PDE4D: variants seen among roughly 807,000 people sequenced by gnomAD.
The protein encoded by PDE4D is phosphodiesterase 4D.
A neutral mutation model predicts 87.4 loss-of-function variants in PDE4D; 24 were observed. The observed-to-expected ratio is 0.27, with a 90% CI of 0.20 to 0.39. The LOEUF is 0.39. Among genes scored for constraint, PDE4D ranks in the 10% least tolerant of loss-of-function variants. The probability of loss-of-function intolerance (pLI) is 1.00; values close to 1 mark genes in which losing one functional copy is unlikely to be tolerated. For synonymous variants in PDE4D, 384 were observed against 383.2 expected (o/e 1.00, Z -0.02); for missense variants, 714 against 1,041.0 (o/e 0.69, Z 4.32).
At chr5:59,437,413 A>C (rs1290650179) in intron 1 of PDE4D, among the ~76,000 whole-genome samples, 1 of 152,214 alleles carries the variant, frequency 6.6e-6, no homozygotes, top group Non-Finnish European at 1.5e-5. Flanking sequence ...AAGAATTTCC[A>C]ACAGTAGGAA....
At chr5:59,298,860 A>G (rs1181344669) in intron 1 of PDE4D, among the ~76,000 whole-genome samples, 1 of 152,230 alleles carries the variant, frequency 6.6e-6, no homozygotes, top group African/African-American at 2.4e-5. Flanking sequence ...GTAACTGCAC[A>G]TCTGATTTTG....
rs577152462 is a variant in PDE4D at position 59,723,617 on chromosome 5, A to G, written c.455+169551T>C. On this transcript the variant is annotated intron_variant, in intron 1 of 14. Transcript: ENST00000340635. ...TATGGATGCAATGTCCCTGATAGGA[A>G]TGGCAAGGGCCTATTTGGGCATTAT... Among the ~76,000 whole-genome samples, 4 of 152,286 alleles carry G rather than the reference A, an allele frequency of 2.6e-5. No individual in the cohort carries two copies. In the South Asian group the frequency reaches 8.3e-4, roughly 32 times the overall value.
At chr5:59,419,416 TAAATG>T (rs1794130743) in intron 1 of PDE4D, among the ~76,000 whole-genome samples, 1 of 152,212 alleles carries the variant, frequency 6.6e-6, no homozygotes. Flanking sequence ...ATGAGTGAAT[TAAATG>T]AATGAATGAA....
At chr5:59,728,356 T>C (rs1756902377) in intron 1 of PDE4D, among the ~76,000 whole-genome samples, 1 of 152,174 alleles carries the variant, frequency 6.6e-6, no homozygotes, top group African/African-American at 2.4e-5. Flanking sequence ...TGAAAGATCT[T>C]TGGTTTGATT....
chr5:59,846,125 T>C (rs1394529749), intron 1 of PDE4D, among the ~76,000 whole-genome samples: 1 of 152,030 alleles, frequency 6.6e-6, no homozygotes, highest in South Asian at 2.1e-4. Flanking sequence ...TTTTTTAGGA[T>C]GAGTAAGGGA....
chr5:60,454,263 C>G (rs981251749), intron 1 of PDE4D, among the ~76,000 whole-genome samples: 2 of 151,984 alleles, frequency 1.3e-5, no homozygotes, highest in Admixed American at 6.6e-5. Context: ...GATCTAGAAC[C>G]TGAAATACCA....
intron 1 of PDE4D, among the ~76,000 whole-genome samples, chr5:59,819,023 T>A (rs544487429): frequency 6.6e-6 from 1 of 152,144 alleles, no homozygotes; most frequent in Non-Finnish European, 1.5e-5. Flanking sequence ...GAGAAGGGGA[T>A]TATATGGGCT....
chr5:60,251,369 C>T (rs1188184526), intron 1 of PDE4D, among the ~76,000 whole-genome samples: 2 of 151,970 alleles, frequency 1.3e-5, no homozygotes, highest in African/African-American at 4.8e-5. Context: ...CACTGTCCAT[C>T]TTCTAGTCGG....
At chr5:59,360,748 A>G (rs1256437326) in intron 1 of PDE4D, among the ~76,000 whole-genome samples, 1 of 152,168 alleles carries the variant, frequency 6.6e-6, no homozygotes, top group Non-Finnish European at 1.5e-5. Context: ...CAATTATTCC[A>G]TGTTCTGAAA....
chr5:60,515,601 C>CTTTCT (rs1750761192), intron 1 of PDE4D, among the ~76,000 whole-genome samples: 1 of 106,824 alleles, frequency 9.4e-6, no homozygotes, highest in Non-Finnish European at 2.0e-5. Context: ...TTTTCTTTTT[C>CTTTCT]TTTTTTTTTT....
At chr5:60,287,566 C>T (rs555972387) in intron 1 of PDE4D, among the ~76,000 whole-genome samples, 5 of 152,252 alleles carry the variant, frequency 3.3e-5, no homozygotes, top group Admixed American at 6.5e-5. Context: ...TAAATTCCCT[C>T]AATCCAGAAT....
intron 1 of PDE4D, among the ~76,000 whole-genome samples, chr5:59,869,004 A>T (rs192895774): frequency 6.6e-6 from 1 of 152,318 alleles, no homozygotes; most frequent in East Asian, 1.9e-4. Context: ...GTAGTAAATA[A>T]CAGTAGTTTA....
intron 1 of PDE4D, among the ~76,000 whole-genome samples, chr5:59,333,637 C>T (rs1037693024): frequency 3.3e-5 from 5 of 152,122 alleles, no homozygotes; most frequent in African/African-American, 1.2e-4. Flanking sequence ...TTTAATGCTG[C>T]TTAAAGGGCT....
At chr5:60,031,448 GT>G in intron 2 of PDE4D, among the ~76,000 whole-genome samples, 1 of 152,266 alleles carries the variant, frequency 6.6e-6, no homozygotes, top group East Asian at 1.9e-4. Flanking sequence ...AAAAAAATTG[GT>G]GAATCCTAAA....
At chr5:59,151,078 T>G (rs1779410167) in intron 5 of PDE4D, among the ~76,000 whole-genome samples, 1 of 152,178 alleles carries the variant, frequency 6.6e-6, no homozygotes, top group African/African-American at 2.4e-5. Context: ...TAAACCCTAG[T>G]CCACCTGTGT....
At chr5:59,370,236 C>T (rs1226277964) in intron 1 of PDE4D, among the ~76,000 whole-genome samples, 1 of 152,144 alleles carries the variant, frequency 6.6e-6, no homozygotes, top group Non-Finnish European at 1.5e-5. Context: ...AAAATGTATG[C>T]CATTTCTCTG....
intron 1 of PDE4D, among the ~76,000 whole-genome samples, chr5:59,499,196 A>C (rs1807799338): frequency 6.6e-6 from 1 of 152,274 alleles, no homozygotes; most frequent in Middle Eastern, 3.4e-3. Flanking sequence ...TTAAGGCAGA[A>C]GTCAAACTGT....
chr5:59,716,194 G>A (rs911726190), intron 1 of PDE4D, among the ~76,000 whole-genome samples: 2 of 152,196 alleles, frequency 1.3e-5, no homozygotes, highest in Admixed American at 1.3e-4. Context: ...ATGTAACCAC[G>A]CCACGTGAGG....
chr5:60,097,982 T>G (rs996947348), intron 2 of PDE4D, among the ~76,000 whole-genome samples: 1 of 151,890 alleles, frequency 6.6e-6, no homozygotes, highest in Admixed American at 6.6e-5. Flanking sequence ...AAAATAGGAT[T>G]TCTTACTTAG....
Sources: gnomAD v4.1 joint callset for allele counts (sites outside exome capture counted in the v4.1 genomes callset) on GRCh38, gnomAD v4.1.1 for gene constraint, MANE v1.5 for transcripts, NCBI Gene and HGNC (gene_info 2026-07-23, HGNC 2026-07-21) for gene names.